The following KDM7A variants were observed in gnomAD, a reference collection of about 807,000 sequenced individuals.
KDM7A encodes the protein lysine demethylase 7A.
KDM7A carries 28 observed loss-of-function variants against 114.8 expected under a neutral mutation model. That is an observed-to-expected ratio of 0.24 (90% CI 0.18 to 0.33). The LOEUF (loss-of-function observed/expected upper bound fraction) is 0.33. Among genes scored for constraint, KDM7A ranks in the 10% least tolerant of loss-of-function variants. The pLI, the probability that KDM7A is intolerant of heterozygous loss-of-function variation, is 1.00. For missense variants in KDM7A, 942 were observed against 1,142.5 expected (o/e 0.82, Z 2.53); for synonymous variants, 423 against 397.8 (o/e 1.06, Z -0.75).
At chr7:140,163,860 T>C (rs948792463) in intron 1 of KDM7A, among the ~76,000 whole-genome samples, 1 of 152,140 alleles carries the variant, frequency 6.6e-6, no homozygotes, top group Non-Finnish European at 1.5e-5. Context: ...AACCAAAGAC[T>C]AGATAAAAGA....
chr7:140,095,900 TA>T (rs1193341391), intron 17 of KDM7A, among the ~76,000 whole-genome samples: 1 of 151,656 alleles, frequency 6.6e-6, no homozygotes, highest in Non-Finnish European at 1.5e-5. Context: ...AAATAAATAA[TA>T]AAAAAAATTA....
chr7:140,168,727 C>T (rs1485169016), intron 1 of KDM7A, among the ~76,000 whole-genome samples: 1 of 151,926 alleles, frequency 6.6e-6, no homozygotes, highest in African/African-American at 2.4e-5. Context: ...AGGCCAAAGG[C>T]AAAAAAGAAG....
rs752095042 is a variant in KDM7A, at chr7:140,111,188, T to A, written c.1339-4A>T. 5.1e-6 allele frequency: 8 copies of A among 1,574,704 alleles called. No individual in the cohort carries two copies. The highest frequency in any genetic ancestry group is 5.2e-6 in the Non-Finnish European group (6 of 1,153,334). The stretch of plus-strand genomic sequence containing the variant: ...CAAAGGCATGTTCAGATACAAGCTG[T>A]ATTTGGATTAACAAAAATAAGAAAA... On this transcript the variant is annotated splice_region_variant and splice_polypyrimidine_tract_variant and intron_variant, in intron 10 of 19. Coordinates refer to ENST00000397560, the MANE Select transcript of KDM7A (RefSeq NM_030647.2).
chr7:140,169,401 T>G (rs1794613777), intron 1 of KDM7A, among the ~76,000 whole-genome samples: 1 of 152,192 alleles, frequency 6.6e-6, no homozygotes, highest in Admixed American at 6.5e-5. Context: ...CTCATAAGCC[T>G]CCACTTCAAA....
intron 11 of KDM7A, among the ~76,000 whole-genome samples, chr7:140,107,054 T>C (rs1326625119): frequency 2.6e-5 from 4 of 152,218 alleles, no homozygotes; most frequent in Non-Finnish European, 5.9e-5. Context: ...TTGATCTTTG[T>C]TGGTTTAAAG....
chr7:140,115,112 CG>C (rs1016310445), intron 9 of KDM7A, among the ~76,000 whole-genome samples: 1 of 151,814 alleles, frequency 6.6e-6, no homozygotes, highest in Non-Finnish European at 1.5e-5. Flanking sequence ...CCAGCCACCC[CG>C]TCTGGGAGGC....
At chr7:140,134,405 C>G (rs1818836527) in intron 2 of KDM7A, among the ~76,000 whole-genome samples, 1 of 152,150 alleles carries the variant, frequency 6.6e-6, no homozygotes, top group Non-Finnish European at 1.5e-5. Flanking sequence ...GTGGATTAAA[C>G]TGCTAATTTT....
At chr7:140,097,940 A>G (rs1395699635) in intron 14 of KDM7A, among the ~76,000 whole-genome samples, 4 of 152,230 alleles carry the variant, frequency 2.6e-5, no homozygotes, top group Non-Finnish European at 5.9e-5. Flanking sequence ...AAAAATGCTG[A>G]AACTAAAATT....
At chr7:140,097,127 A>G in intron 15 of KDM7A, 80 bp from the exon 16 acceptor site, 1 of 993,824 alleles carries the variant, frequency 1.0e-6, no homozygotes, top group East Asian at 2.5e-5. Context: ...AAGATTTTAT[A>G]CATCTAGAGA....
intron 1 of KDM7A, among the ~76,000 whole-genome samples, chr7:140,159,397 T>C (rs1562960132): frequency 6.9e-6 from 1 of 145,504 alleles, no homozygotes; most frequent in Admixed American, 7.1e-5. Flanking sequence ...ATGCGTACAA[T>C]TGGCATGCTA....
chr7:140,156,746 A>T (rs1794462065), intron 1 of KDM7A, among the ~76,000 whole-genome samples: 1 of 152,236 alleles, frequency 6.6e-6, no homozygotes, highest in African/African-American at 2.4e-5. Context: ...TCCTGCAGCT[A>T]GAGAATGCCC....
rs1818601021 is a variant in KDM7A at position 140,120,480 on chromosome 7, C to T, written c.1101G>A (p.Gly367=). ...LTSQDCMAFG[G]NFLHNLNIGM... Reference sequence around the variant, plus strand: ...CAATGTTAAGGTTGTGCAGGAAGTTCCCCCCAAAAGCCATACAGTCCTGAG... The same window carrying T: ...CAATGTTAAGGTTGTGCAGGAAGTTTCCCCCAAAAGCCATACAGTCCTGAG... Residue 367 remains glycine (G), a synonymous_variant, in exon 8 of 20, where the codon GGG becomes GGA. Coordinates refer to ENST00000397560, the MANE Select transcript of KDM7A (RefSeq NM_030647.2). 1.9e-6 allele frequency: 3 copies of T among 1,612,372 alleles called. No individual in the cohort carries two copies. The highest frequency in any genetic ancestry group is 2.5e-6 in the Non-Finnish European group (3 of 1,178,660).
At chr7:140,149,874 A>G (rs927695749) in intron 1 of KDM7A, among the ~76,000 whole-genome samples, 9 of 152,226 alleles carry the variant, frequency 5.9e-5, no homozygotes, top group Non-Finnish European at 1.3e-4. Context: ...AAAGGCAAGA[A>G]GTATGCTATC....
At chr7:140,173,410 C>G (rs1794668428) in intron 1 of KDM7A, among the ~76,000 whole-genome samples, 2 of 152,178 alleles carry the variant, frequency 1.3e-5, no homozygotes, top group African/African-American at 4.8e-5. Flanking sequence ...TGCAGCCTGA[C>G]AGAAAAGCAT....
Position 140,094,079 on chromosome 7 carries a change from C to A in KDM7A, c.2434G>T (p.Asp812Tyr). 6.3e-7 allele frequency: 1 copy of A among 1,594,270 alleles called. No individual in the cohort carries two copies. Among genetic ancestry groups the A allele is most frequent in the South Asian group, 1.1e-5 (1 of 90,666 alleles). Residue 812 changes from aspartate (D) to tyrosine (Y), a missense_variant, in exon 18 of 20, where the codon GAT becomes TAT. Asp to Tyr is a radical substitution (Grantham distance 160). Transcript: ENST00000397560. ...LRTSSWIKQF[D>Y]TSRFHPQDLS... ...ACCTGAGGATGAAATCTGGAAGTAT[C>A]AAACTGTTTAATCCAGGAGGAAGTC...
chr7:140,106,290 G>A (rs113599552), intron 11 of KDM7A, among the ~76,000 whole-genome samples: 1 of 152,014 alleles, frequency 6.6e-6, no homozygotes, highest in African/African-American at 2.4e-5. Context: ...ATCTCCTTCA[G>A]TTCTGCTCTG....
chr7:140,109,105 TA>T (rs1412251471), intron 11 of KDM7A, among the ~76,000 whole-genome samples: 2 of 152,170 alleles, frequency 1.3e-5, no homozygotes, highest in Non-Finnish European at 2.9e-5. Flanking sequence ...TGCTGTTTGC[TA>T]AGACCATTGG....
At chr7:140,111,407 C>T (rs1315615392) in intron 10 of KDM7A, among the ~76,000 whole-genome samples, 1 of 152,180 alleles carries the variant, frequency 6.6e-6, no homozygotes, top group Non-Finnish European at 1.5e-5. Context: ...AGACTAGTCT[C>T]ACAGTGAATT....
intron 14 of KDM7A, among the ~76,000 whole-genome samples, chr7:140,098,105 A>G (rs893874002): frequency 1.3e-5 from 2 of 152,246 alleles, no homozygotes; most frequent in African/African-American, 4.8e-5. Flanking sequence ...ACATATAGCA[A>G]TGGTTTGATG....
Sources: allele counts gnomAD v4.1 joint callset (sites outside exome capture counted in the v4.1 genomes callset), GRCh38; gene constraint gnomAD v4.1.1; transcripts MANE v1.5; gene names NCBI Gene and HGNC (gene_info 2026-07-23, HGNC 2026-07-21).